The following SLC25A13 variants were observed in gnomAD, a reference collection of about 807,000 sequenced individuals.
SLC25A13 encodes solute carrier family 25 member 13, also known as electrogenic aspartate/glutamate antiporter SLC25A13, mitochondrial.
A neutral mutation model predicts 85.5 loss-of-function variants in SLC25A13; 70 were observed. The observed-to-expected ratio is 0.82, with a 90% CI of 0.68 to 1.00. The LOEUF is 1.00. SLC25A13 is among the 50% of genes least tolerant of loss of function. SLC25A13 has a pLI of 0.00. For synonymous variants in SLC25A13, 259 were observed against 288.7 expected (o/e 0.90, Z 1.04); for missense variants, 765 against 819.8 (o/e 0.93, Z 0.82).
chr7:96,174,976 C>T (rs1039446580), intron 11 of SLC25A13, among the ~76,000 whole-genome samples: 1 of 152,298 alleles, frequency 6.6e-6, no homozygotes, highest in African/African-American at 2.4e-5. Context: ...GAGACTGGTG[C>T]CTCCCCGCTA....
intron 13 of SLC25A13, among the ~76,000 whole-genome samples, chr7:96,166,315 C>T (rs1793739444): frequency 1.3e-5 from 2 of 152,136 alleles, no homozygotes. Flanking sequence ...TTTGTCTTTC[C>T]AAAAATTACT....
At chr7:96,292,667 C>T (rs530867031) in intron 2 of SLC25A13, among the ~76,000 whole-genome samples, 1,727 of 152,280 alleles carry the variant, frequency 0.011, 31 homozygotes, top group African/African-American at 0.04. Flanking sequence ...CATGAGTGAA[C>T]TCCCATTCAC....
chr7:96,152,106 T>C (rs1020030502), intron 13 of SLC25A13, among the ~76,000 whole-genome samples: 3 of 152,200 alleles, frequency 2.0e-5, no homozygotes, highest in Non-Finnish European at 4.4e-5. Context: ...CTTACAGTTC[T>C]TATCATGGCA....
At chr7:96,285,157 C>T (rs1798839120) in intron 2 of SLC25A13, among the ~76,000 whole-genome samples, 1 of 152,060 alleles carries the variant, frequency 6.6e-6, no homozygotes, top group Admixed American at 6.6e-5. Flanking sequence ...TTTCTCTCTG[C>T]TCTCTCTCAT....
intron 3 of SLC25A13, among the ~76,000 whole-genome samples, chr7:96,246,603 T>G (rs1797199739): frequency 6.6e-6 from 1 of 152,194 alleles, no homozygotes; most frequent in Non-Finnish European, 1.5e-5. Flanking sequence ...AAATCAAAAT[T>G]ATACTGATTC....
chr7:96,317,485 G>A (rs1402605855), intron 1 of SLC25A13, among the ~76,000 whole-genome samples: 2 of 151,966 alleles, frequency 1.3e-5, no homozygotes, highest in African/African-American at 4.8e-5. Context: ...GCTGCTTTTA[G>A]TTTTTATTAC....
chr7:96,235,005 A>G (rs1796693231), intron 3 of SLC25A13, 88 bp from the exon 4 acceptor site: 2 of 867,328 alleles, frequency 2.3e-6, no homozygotes, highest in Non-Finnish European at 3.7e-6. Flanking sequence ...AAAAAATAAG[A>G]TATCACTGCC....
intron 1 of SLC25A13, 49 bp downstream of exon 1, chr7:96,321,893 C>A: frequency 6.6e-7 from 1 of 1,520,482 alleles, no homozygotes; most frequent in South Asian, 1.2e-5. Context: ...CTCGCACCCC[C>A]AGGCTGATCC....
intron 2 of SLC25A13, among the ~76,000 whole-genome samples, chr7:96,285,535 C>G (rs1055453633): frequency 2.0e-5 from 3 of 152,120 alleles, no homozygotes; most frequent in Non-Finnish European, 2.9e-5. Context: ...TGTCGCCTCT[C>G]CAACTTGTCC....
intron 13 of SLC25A13, among the ~76,000 whole-genome samples, chr7:96,155,961 C>A (rs1447627147): frequency 1.3e-5 from 2 of 152,208 alleles, no homozygotes; most frequent in African/African-American, 4.8e-5. Flanking sequence ...AACCATTACG[C>A]CTAGTTGTCT....
chr7:96,171,421 TTGAG>T (rs777133632), intron 12 of SLC25A13, 47 bp downstream of exon 12: 36 of 1,510,716 alleles, frequency 2.4e-5, no homozygotes, highest in Admixed American at 8.4e-5. Context: ...TGCTAGATTC[TTGAG>T]TATGTACAAA....
intron 2 of SLC25A13, among the ~76,000 whole-genome samples, chr7:96,287,681 G>A (rs1372283339): frequency 1.3e-5 from 2 of 152,160 alleles, no homozygotes; most frequent in Non-Finnish European, 2.9e-5. Context: ...CCTTTAAGTG[G>A]AGTCTTATCA....
intron 4 of SLC25A13, among the ~76,000 whole-genome samples, chr7:96,231,016 C>T (rs1163845622): frequency 6.6e-6 from 1 of 152,100 alleles, no homozygotes; most frequent in African/African-American, 2.4e-5. Context: ...GAGGCTGAGG[C>T]ACAATAATTA....
intron 13 of SLC25A13, among the ~76,000 whole-genome samples, chr7:96,150,637 AAGAAG>A (rs1792998761): frequency 6.6e-6 from 1 of 152,116 alleles, no homozygotes; most frequent in African/African-American, 2.4e-5. Context: ...GGTTTGTTAC[AAGAAG>A]AGAAAACTGA....
chr7:96,277,102 G>T, intron 3 of SLC25A13, 94 bp downstream of exon 3: 2 of 1,252,228 alleles, frequency 1.6e-6, no homozygotes, highest in Non-Finnish European at 2.2e-6. Context: ...TAAGAGATGG[G>T]AAGGTATACA....
chr7:96,266,893 T>A (rs147203667), intron 3 of SLC25A13, among the ~76,000 whole-genome samples: 1 of 152,310 alleles, frequency 6.6e-6, no homozygotes, highest in East Asian at 1.9e-4. Flanking sequence ...GGTAGATTAA[T>A]TTGGGAGTCT....
chr7:96,207,817 G>A (rs1476542029), intron 5 of SLC25A13, among the ~76,000 whole-genome samples: 1 of 152,134 alleles, frequency 6.6e-6, no homozygotes, highest in Non-Finnish European at 1.5e-5. Flanking sequence ...CACGAGAGAA[G>A]GGCAGCAGGG....
intron 2 of SLC25A13, among the ~76,000 whole-genome samples, chr7:96,280,055 C>T (rs1410464139): frequency 6.6e-6 from 1 of 152,160 alleles, no homozygotes; most frequent in East Asian, 1.9e-4. Flanking sequence ...TGGGAGAATG[C>T]TGGGATCGAA....
chr7:96,271,730 T>C (rs60685452), intron 3 of SLC25A13, among the ~76,000 whole-genome samples: 1,986 of 152,234 alleles, frequency 0.013, 42 homozygotes, highest in African/African-American at 0.046. Context: ...AAATATATAT[T>C]ACACATTGTT....
Sources: allele counts gnomAD v4.1 joint callset (sites outside exome capture counted in the v4.1 genomes callset), GRCh38; gene constraint gnomAD v4.1.1; transcripts MANE v1.5; gene names NCBI Gene and HGNC (gene_info 2026-07-23, HGNC 2026-07-21).